The following SMARCA2 variants were observed in gnomAD, a reference collection of about 807,000 sequenced individuals.
SMARCA2 encodes the protein SWI/SNF related BAF chromatin remodeling complex subunit ATPase 2, also known as SWI/SNF-related matrix-associated actin-dependent regulator of chromatin subfamily A member 2.
Under a neutral mutation model 199.8 loss-of-function variants are expected in SMARCA2, and 61 were observed. That is an observed-to-expected ratio of 0.31 (90% CI 0.25 to 0.38). The LOEUF is 0.38. Ranked by LOEUF, SMARCA2 falls within the 10% of genes least tolerant of loss-of-function variation. The pLI, the probability that SMARCA2 is intolerant of heterozygous loss-of-function variation, is 1.00. For synonymous variants in SMARCA2, 935 were observed against 732.0 expected, an observed-to-expected ratio of 1.28 and a Z score of -4.48; for missense variants, 1,344 against 2,012.2, an observed-to-expected ratio of 0.67 and a Z score of 6.35.
At chr9:2,178,952 T>C (rs942278714) in intron 29 of SMARCA2, among the ~76,000 whole-genome samples, 19 of 152,196 alleles carry the variant, frequency 1.2e-4, no homozygotes, top group African/African-American at 4.1e-4. Context: ...ATAACACACA[T>C]GGAAGAATTA....
intron 19 of SMARCA2, among the ~76,000 whole-genome samples, chr9:2,092,509 G>T (rs1822102832): frequency 6.6e-6 from 1 of 152,142 alleles, no homozygotes; most frequent in Non-Finnish European, 1.5e-5. Context: ...TGTAGTTTAG[G>T]TTTATTATTC....
intron 27 of SMARCA2, among the ~76,000 whole-genome samples, chr9:2,143,682 G>C (rs1422822658): frequency 2.0e-5 from 3 of 152,170 alleles, no homozygotes; most frequent in African/African-American, 2.4e-5. Context: ...ATTTCCAGGA[G>C]AGATAACTGG....
At chr9:2,109,560 G>GT (rs1452407950) in intron 23 of SMARCA2, among the ~76,000 whole-genome samples, 7 of 152,166 alleles carry the variant, frequency 4.6e-5, no homozygotes, top group African/African-American at 1.7e-4. Flanking sequence ...TGTTTAGTTG[G>GT]TTTTGATTTA....
chr9:2,166,146 CT>C (rs1320389081), intron 28 of SMARCA2, among the ~76,000 whole-genome samples: 15 of 152,240 alleles, frequency 9.9e-5, no homozygotes, highest in Non-Finnish European at 1.5e-5. Flanking sequence ...ACAAGCATAT[CT>C]ACCTCAGGAC....
chr9:2,049,815 T>A (rs1028528492), intron 5 of SMARCA2, among the ~76,000 whole-genome samples: 1 of 152,252 alleles, frequency 6.6e-6, no homozygotes, highest in Non-Finnish European at 1.5e-5. Flanking sequence ...CCATTTTTTT[T>A]CTTCTTTTGA....
intron 3 of SMARCA2, 99 bp downstream of exon 3, chr9:2,033,180 G>C: frequency 7.1e-7 from 1 of 1,403,564 alleles, no homozygotes; most frequent in Non-Finnish European, 9.7e-7. Context: ...ATGTGTCTAA[G>C]GAAGGTTGAA....
At chr9:2,030,768 G>A (rs2130188551) in intron 2 of SMARCA2, among the ~76,000 whole-genome samples, 1 of 152,186 alleles carries the variant, frequency 6.6e-6, no homozygotes, top group Non-Finnish European at 1.5e-5. Context: ...GACAAGCCGT[G>A]GAAGATCCTG....
At position 2,104,627 on chromosome 9, in the gene SMARCA2, C is replaced by T. The variant is rs566295245; in HGVS notation, c.3292+458C>T. On this transcript the variant is annotated intron_variant, in intron 23 of 33. Transcript: ENST00000349721. This position sits in a 1 kb window ranked among gnomAD's most constrained non-coding sequence, Gnocchi z 4.0. ...ATTTATCATTAAAGCCCCTCTCTTC[C>T]TAAATAAGACGTATCCACATGTTAC... 7.9e-5 allele frequency among the ~76,000 whole-genome samples: 12 copies of T among 152,204 alleles called. No individual in the cohort carries two copies. The South Asian group carries it at 2.3e-3, about 29-fold the overall frequency.
chr9:2,079,856 T>A (rs1821488711), intron 14 of SMARCA2: 1 of 152,278 alleles, frequency 6.6e-6, no homozygotes, highest in African/African-American at 2.4e-5. Flanking sequence ...TTTTCTTCTG[T>A]CATCCAACAC....
At position 2,039,843 on chromosome 9, in the gene SMARCA2, C is replaced by G; in HGVS notation, c.733C>G (p.Gln245Glu). 6.2e-7 allele frequency: 1 copy of G among 1,613,112 alleles called. No individual in the cohort carries two copies. Among genetic ancestry groups the G allele is most frequent in the Admixed American group, 1.7e-5 (1 of 59,938 alleles). The change falls in exon 4 of 34, where the codon CAA (glutamine) becomes GAA (glutamate). Residue 245 changes from glutamine (Q) to glutamate (E), a missense_variant. Gln to Glu is a conservative substitution (Grantham distance 29, BLOSUM62 2). Transcript: ENST00000349721. This position sits in a 1 kb window ranked among gnomAD's most constrained non-coding sequence, Gnocchi z 4.8. ...ACAGCAGCCGCAGCAGCAGCCGCCG[C>G]AACCACAGACGCAGCAACAACAGCA... The part of the protein sequence containing the change: ...QQQQPQQQPP[Q>E]PQTQQQQQPA...
chr9:2,106,483 C>T (rs575904087), intron 23 of SMARCA2, among the ~76,000 whole-genome samples: 35 of 152,280 alleles, frequency 2.3e-4, no homozygotes, highest in African/African-American at 7.9e-4. Flanking sequence ...ATTGAAAAGG[C>T]ATCTTTCCGT....
chr9:2,018,946 C>T (rs535828719), intron 1 of SMARCA2, among the ~76,000 whole-genome samples: 2 of 152,212 alleles, frequency 1.3e-5, no homozygotes, highest in Non-Finnish European at 2.9e-5. Flanking sequence ...AGATTTGAAT[C>T]CTAGTTGCTG....
In SMARCA2 at chr9:2,073,497, A is replaced by T; in HGVS notation, c.1878-69A>T. 2.7e-6 allele frequency: 4 copies of T among 1,461,136 alleles called. No homozygotes were observed. In the South Asian group the frequency reaches 3.6e-5, roughly 13 times the overall value. 90.5% of individuals were successfully genotyped at this position (1,461,136 alleles called of 1,614,324 possible). A position where few individuals can be genotyped will look rare whatever the true frequency, so the allele number is the denominator to read the frequency against. ...TATACATAGAATGTGCTATTAAGTCATGTGTGTCTTTATTGTATTGTAATT... is the reference window on the plus strand; with the variant it reads ...TATACATAGAATGTGCTATTAAGTCTTGTGTGTCTTTATTGTATTGTAATT... On this transcript the variant is annotated intron_variant, in intron 11 of 33. Transcript: ENST00000349721.
At chr9:2,133,269 A>G (rs1824042734) in intron 27 of SMARCA2, among the ~76,000 whole-genome samples, 3 of 152,300 alleles carry the variant, frequency 2.0e-5, no homozygotes, top group South Asian at 2.1e-4. Context: ...GAATATGTCT[A>G]TCTGAATCAA....
At chr9:2,083,945 T>G (rs1821681693) in intron 16 of SMARCA2, 141 bp from the exon 17 acceptor site, 1 of 562,318 alleles carries the variant, frequency 1.8e-6, no homozygotes, top group Non-Finnish European at 3.2e-6. Context: ...AACTTCCTCG[T>G]GTATAATAGA....
In SMARCA2 at chr9:2,174,471, A is replaced by T. The variant is rs544827734; in HGVS notation, c.4253+3999A>T. On this transcript the variant is annotated intron_variant, in intron 29 of 33. Transcript: ENST00000349721. ...AACAGCCATTGTAGGAAAAAGCAGC[A>T]CTCCGGTGCCTGCCACGACCCACCC... 6.6e-4 allele frequency among the ~76,000 whole-genome samples: 100 copies of T among 152,202 alleles called. 1 individual carries two copies. The highest frequency in any genetic ancestry group is 2.3e-3 in the African/African-American group (97 of 41,524).
Position 2,086,897 on chromosome 9 carries a change from G to A in SMARCA2, c.2595G>A (p.Gln865=), listed in dbSNP as rs748816612. Residue 865 remains glutamine, a synonymous_variant, in exon 18 of 34, where the codon CAG becomes CAA. Transcript: ENST00000349721. This position sits in a 1 kb window ranked among gnomAD's most constrained non-coding sequence, Gnocchi z 4.3. ...RMKNHHCKLT[Q]VLNTHYVAPR... ...AGAATCACCACTGCAAGCTGACTCAGGTCTTGAACACTCACTATGTGGCCC... is the reference window on the plus strand; with the variant it reads ...AGAATCACCACTGCAAGCTGACTCAAGTCTTGAACACTCACTATGTGGCCC... The A allele has an allele frequency of 8.1e-6, 13 of 1,614,026 alleles. No individual in the cohort carries two copies. The highest frequency in any genetic ancestry group is 1.1e-5 in the Non-Finnish European group (13 of 1,180,004).
chr9:2,075,679 CAG>C (rs1184671051), intron 12 of SMARCA2, among the ~76,000 whole-genome samples: 2 of 152,076 alleles, frequency 1.3e-5, no homozygotes, highest in African/African-American at 4.8e-5. Context: ...TGTTTTGAGA[CAG>C]AGTTTCGCTC....
chr9:2,152,897 A>C (rs1219281638), intron 27 of SMARCA2, among the ~76,000 whole-genome samples: 1 of 152,094 alleles, frequency 6.6e-6, no homozygotes, highest in Non-Finnish European at 1.5e-5. Context: ...AAAATAATTT[A>C]TGTGAAGAAA....
Sources: allele counts gnomAD v4.1 joint callset (sites outside exome capture counted in the v4.1 genomes callset), GRCh38; gene constraint gnomAD v4.1.1; non-coding constraint Gnocchi (gnomAD v3.1); transcripts MANE v1.5; gene names NCBI Gene and HGNC (gene_info 2026-07-23, HGNC 2026-07-21).